Variants in FARS2 observed in about 807,000 individuals in gnomAD.
FARS2 encodes phenylalanyl-tRNA synthetase 2, mitochondrial.
In FARS2, 40 loss-of-function variants were observed where a neutral mutation model predicts 46.4. The observed-to-expected ratio is 0.86, with a 90% confidence interval of 0.67 to 1.12. FARS2 has a LOEUF of 1.12. FARS2 is among the 50% of genes most tolerant of loss of function. The pLI is 0.00. For missense variants in FARS2, 513 were observed against 567.9 expected, an observed-to-expected ratio of 0.90 and a Z score of 0.98; for synonymous variants, 234 against 214.9, an observed-to-expected ratio of 1.09 and a Z score of -0.78.
intron 4 of FARS2, among the ~76,000 whole-genome samples, chr6:5,464,704 C>T (rs1765421285): frequency 6.6e-6 from 1 of 152,134 alleles, no homozygotes; most frequent in African/African-American, 2.4e-5. Flanking sequence ...GTGAAATCAG[C>T]AGCAGACCAG....
intron 6 of FARS2, among the ~76,000 whole-genome samples, chr6:5,631,236 A>G (rs996197850): frequency 2.0e-5 from 3 of 152,240 alleles, no homozygotes; most frequent in African/African-American, 7.2e-5. Context: ...ATGAATACCT[A>G]TGCATTGAAC....
intron 3 of FARS2, among the ~76,000 whole-genome samples, chr6:5,421,684 C>T (rs975216520): frequency 1.3e-5 from 2 of 152,300 alleles, no homozygotes; most frequent in East Asian, 1.9e-4. Context: ...ATCTCTAAAA[C>T]AGAGGCAAAA....
Position 5,771,495 on chromosome 6 carries a change from A to G in FARS2, c.*66A>G. On this transcript the variant is annotated 3_prime_UTR_variant, in exon 7 of 7. Coordinates refer to ENST00000274680, the MANE Select transcript of FARS2 (RefSeq NM_006567.5). ...AGGATTTGCTGAAAGAGAAAAAGAT[A>G]TGGTTTGTGAACTGGGGCATCAATC... 2.0e-6 allele frequency: 3 copies of G among 1,529,578 alleles called. No homozygotes were observed. The highest frequency in any genetic ancestry group is 2.6e-6 in the Non-Finnish European group (3 of 1,132,578). The allele number at this position is 1,529,578 out of a possible 1,614,324, so 94.8% of individuals were successfully genotyped here.
chr6:5,478,095 T>TTAGG (rs59825051), intron 4 of FARS2, among the ~76,000 whole-genome samples: 134,003 of 151,916 alleles, frequency 0.88, 59,477 homozygotes, highest in East Asian at 1. Context: ...AATAAAACAC[T>TTAGG]TAGTGCTTGG....
At chr6:5,519,808 G>A (rs7745997) in intron 4 of FARS2, among the ~76,000 whole-genome samples, 25 of 152,274 alleles carry the variant, frequency 1.6e-4, no homozygotes, top group African/African-American at 5.8e-4. Flanking sequence ...TGGTTCCATT[G>A]TGCCTCACTG....
At chr6:5,754,534 CT>C (rs1762111712) in intron 6 of FARS2, among the ~76,000 whole-genome samples, 1 of 152,362 alleles carries the variant, frequency 6.6e-6, no homozygotes, top group East Asian at 1.9e-4. Context: ...TTGCTAGCTT[CT>C]CACATCCACT....
At chr6:5,348,467 T>C (rs1177951647) in intron 1 of FARS2, among the ~76,000 whole-genome samples, 2 of 55,692 alleles carry the variant, frequency 3.6e-5, no homozygotes, top group Non-Finnish European at 6.9e-5. Flanking sequence ...TGTACTTGTA[T>C]GTTGTGTTAC....
At chr6:5,373,367 G>A (rs1022598189) in intron 2 of FARS2, among the ~76,000 whole-genome samples, 1 of 152,072 alleles carries the variant, frequency 6.6e-6, no homozygotes, top group Non-Finnish European at 1.5e-5. Context: ...CACAGTTAAC[G>A]TGTCTCCTGA....
intron 6 of FARS2, among the ~76,000 whole-genome samples, chr6:5,645,809 G>A (rs1006581042): frequency 8.5e-5 from 13 of 152,112 alleles, no homozygotes; most frequent in Admixed American, 3.9e-4. Flanking sequence ...GTAATTGCAC[G>A]GGCCTCATAT....
intron 1 of FARS2, among the ~76,000 whole-genome samples, chr6:5,330,653 A>T (rs1770735600): frequency 6.6e-6 from 1 of 152,204 alleles, no homozygotes; most frequent in African/African-American, 2.4e-5. Flanking sequence ...TTTTATGTTC[A>T]TTAACAGATA....
chr6:5,297,256 C>G (rs1170048217), intron 1 of FARS2, among the ~76,000 whole-genome samples: 1 of 152,152 alleles, frequency 6.6e-6, no homozygotes, highest in Non-Finnish European at 1.5e-5. Flanking sequence ...ACTGAGGGCC[C>G]CTGCCTCATA....
chr6:5,634,276 G>T (rs944218076), intron 6 of FARS2, among the ~76,000 whole-genome samples: 1 of 151,998 alleles, frequency 6.6e-6, no homozygotes, highest in Non-Finnish European at 1.5e-5. Context: ...TTTTACAAAA[G>T]ATACAAAACC....
At chr6:5,432,325 A>ATATATATATAT (rs1294858821) in intron 4 of FARS2, among the ~76,000 whole-genome samples, 1 of 47,314 alleles carries the variant, frequency 2.1e-5, no homozygotes, top group Non-Finnish European at 4.4e-5. Flanking sequence ...AAAAAAAAAA[A>ATATATATATAT]AAATATATAT....
intron 5 of FARS2, among the ~76,000 whole-genome samples, chr6:5,608,703 CA>C (rs948562294): frequency 6.6e-6 from 1 of 152,042 alleles, no homozygotes; most frequent in African/African-American, 2.4e-5. Context: ...TGGTGAACTT[CA>C]GATCGCAACA....
At chr6:5,271,539 A>T (rs1397633123) in intron 1 of FARS2, among the ~76,000 whole-genome samples, 1 of 150,102 alleles carries the variant, frequency 6.7e-6, no homozygotes, top group Non-Finnish European at 1.5e-5. Flanking sequence ...TAGGCTGTGT[A>T]TAAGAACAGA....
rs115802369 is a variant in FARS2, at chr6:5,380,657, A to G, written c.612+11475A>G. Among the ~76,000 whole-genome samples the G allele has an allele frequency of 8.4e-3, 1,278 of 152,296 alleles. 3 individuals are homozygous for G. Among genetic ancestry groups the G allele is most frequent in the Middle Eastern group, 0.024 (7 of 294 alleles). On this transcript the variant is annotated intron_variant, in intron 2 of 6. Coordinates refer to ENST00000274680, the MANE Select transcript of FARS2 (RefSeq NM_006567.5). Reference sequence around the variant, plus strand: ...GTTGAATTATATGTCCAGATACCCCAGTCTACTCACAAATGTAAAAGACTA... The same window carrying G: ...GTTGAATTATATGTCCAGATACCCCGGTCTACTCACAAATGTAAAAGACTA...
At chr6:5,262,256 T>C (rs1433731910) in intron 1 of FARS2, among the ~76,000 whole-genome samples, 1 of 152,174 alleles carries the variant, frequency 6.6e-6, no homozygotes, top group Non-Finnish European at 1.5e-5. Context: ...TAAACAACTT[T>C]ATATTTTCAG....
chr6:5,696,129 G>A lies in FARS2; in HGVS notation c.1218-75162G>A, dbSNP rs140829544. Among the ~76,000 whole-genome samples, 474 of 152,192 alleles carry A rather than the reference G, an allele frequency of 3.1e-3. 6 individuals carry two copies. The highest frequency in any genetic ancestry group is 0.01 in the African/African-American group (424 of 41,528). On this transcript the variant is annotated intron_variant, in intron 6 of 6. Coordinates refer to ENST00000274680, the MANE Select transcript of FARS2 (RefSeq NM_006567.5). The stretch of plus-strand genomic sequence containing the variant: ...TACATTGTCTGTGGACATGCAAATC[G>A]GTACAACTCTATATTAAAACTGAAA...
intron 5 of FARS2, among the ~76,000 whole-genome samples, chr6:5,558,567 C>T (rs1771802711): frequency 6.6e-6 from 1 of 152,034 alleles, no homozygotes; most frequent in Non-Finnish European, 1.5e-5. Flanking sequence ...GACGGAGTCT[C>T]TCTCTGTCCC....
Sources: allele counts gnomAD v4.1 joint callset (sites outside exome capture counted in the v4.1 genomes callset), GRCh38; gene constraint gnomAD v4.1.1; transcripts MANE v1.5; gene names NCBI Gene and HGNC (gene_info 2026-07-23, HGNC 2026-07-21).